FTCDNL1: variants seen among roughly 807,000 people sequenced by gnomAD.
FTCDNL1 encodes the protein formiminotransferase N-terminal subdomain-containing protein.
Under a neutral mutation model 5.9 loss-of-function variants are expected in FTCDNL1, and 11 were observed. The ratio of observed to expected loss-of-function variants is 1.87; its 90% confidence interval spans 1.18 to 3.10. The LOEUF is 3.10. Among genes scored for constraint, FTCDNL1 ranks in the 30% most tolerant of loss-of-function variants. The pLI is 0.00. For missense variants in FTCDNL1, 115 were observed against 65.5 expected, an observed-to-expected ratio of 1.76 and a Z score of -2.61; for synonymous variants, 58 against 24.8, an observed-to-expected ratio of 2.34 and a Z score of -3.99.
the FTCDNL1 span, among the ~76,000 whole-genome samples, chr2:199,742,585 G>A: frequency 6.6e-6 from 1 of 152,246 alleles, no homozygotes; most frequent in East Asian, 1.9e-4. Context: ...CTATGTGCCA[G>A]GCTCCATACT....
At chr2:199,727,134 C>T in the FTCDNL1 span, among the ~76,000 whole-genome samples, 4 of 152,184 alleles carry the variant, frequency 2.6e-5, no homozygotes, top group Non-Finnish European at 4.4e-5. Context: ...GAAGGCCCCA[C>T]TGGTGAGGAG....
chr2:199,738,598 G>A, the FTCDNL1 span, among the ~76,000 whole-genome samples: 34 of 152,040 alleles, frequency 2.2e-4, no homozygotes, highest in Admixed American at 2.2e-3. Flanking sequence ...TCTTCATGCT[G>A]AAACAGAGGA....
chr2:199,787,192 T>C (rs6742993), intron 3 of FTCDNL1, among the ~76,000 whole-genome samples: 60,636 of 143,644 alleles, frequency 0.42, 13,867 homozygotes, highest in East Asian at 0.54. Context: ...CTTTTCTTTT[T>C]TTTTTTTGAG....
chr2:199,689,905 C>A, the FTCDNL1 span, among the ~76,000 whole-genome samples: 1 of 150,386 alleles, frequency 6.6e-6, no homozygotes, highest in African/African-American at 2.4e-5. Flanking sequence ...AATACCAAAA[C>A]ATATGGAAAT....
chr2:199,725,816 C>T, the FTCDNL1 span, among the ~76,000 whole-genome samples: 2 of 152,150 alleles, frequency 1.3e-5, no homozygotes, highest in African/African-American at 2.4e-5. Flanking sequence ...CTGCTCTTGA[C>T]ATTTTTTCCT....
At chr2:199,784,635 G>C (rs905474298) in intron 3 of FTCDNL1, among the ~76,000 whole-genome samples, 2 of 152,186 alleles carry the variant, frequency 1.3e-5, no homozygotes, top group African/African-American at 4.8e-5. Context: ...TCATCTCACT[G>C]GGAGCTGTTG....
intron 3 of FTCDNL1, among the ~76,000 whole-genome samples, chr2:199,788,383 A>T (rs1431022206): frequency 6.6e-6 from 1 of 152,226 alleles, no homozygotes; most frequent in South Asian, 2.1e-4. Context: ...CTATGATCAC[A>T]GTAGAATAAA....
At chr2:199,687,656 T>C in the FTCDNL1 span, among the ~76,000 whole-genome samples, 1 of 152,008 alleles carries the variant, frequency 6.6e-6, no homozygotes, top group Admixed American at 6.6e-5. Flanking sequence ...GGCCCAGGGA[T>C]AGTTTTTCAG....
chr2:199,846,028 G>T, intron 3 of FTCDNL1, 47 bp downstream of exon 3: 2 of 659,576 alleles, frequency 3.0e-6, no homozygotes, highest in South Asian at 3.4e-5. Context: ...AGGTCTACCT[G>T]AACCAAAAAA....
chr2:199,826,504 A>G (rs1702044712), intron 3 of FTCDNL1, among the ~76,000 whole-genome samples: 1 of 151,870 alleles, frequency 6.6e-6, no homozygotes, highest in African/African-American at 2.4e-5. Flanking sequence ...AAAAAAAAAA[A>G]AAAGAATAGG....
the FTCDNL1 span, among the ~76,000 whole-genome samples, chr2:199,700,219 A>C: frequency 6.6e-6 from 1 of 152,208 alleles, no homozygotes; most frequent in Non-Finnish European, 1.5e-5. Flanking sequence ...ATACAAAATC[A>C]ATGTACTAAA....
the FTCDNL1 span, among the ~76,000 whole-genome samples, chr2:199,716,927 G>T: frequency 6.8e-4 from 104 of 152,200 alleles, no homozygotes; most frequent in African/African-American, 2.2e-3. Context: ...CTAATTAAGG[G>T]CTTGGCAAAG....
At chr2:199,700,909 C>G in the FTCDNL1 span, among the ~76,000 whole-genome samples, 1 of 150,524 alleles carries the variant, frequency 6.6e-6, no homozygotes, top group South Asian at 2.1e-4. Flanking sequence ...AAAGACTTAA[C>G]CCTTTCTCAA....
At chr2:199,672,371 A>C in the FTCDNL1 span, among the ~76,000 whole-genome samples, 2 of 152,232 alleles carry the variant, frequency 1.3e-5, no homozygotes, top group African/African-American at 2.4e-5. Flanking sequence ...GTAAGTTTTA[A>C]CATGTTTTGA....
Position 199,812,526 on chromosome 2 carries a change from T to A in FTCDNL1, c.*179A>T. On this transcript the variant is annotated 3_prime_UTR_variant, in exon 5 of 5. Coordinates refer to ENST00000420128, the MANE Select transcript of FTCDNL1 (RefSeq NM_001363886.2). Reference sequence around the variant, plus strand: ...AAATCGTATTTCTAGTTAAATGTCATATAATTAAAGTAATTCCACTTTTTG... The same window carrying A: ...AAATCGTATTTCTAGTTAAATGTCAAATAATTAAAGTAATTCCACTTTTTG... 1 of 448,942 alleles carries A rather than the reference T, an allele frequency of 2.2e-6. No individual in the cohort carries two copies. The allele number at this position is 448,942 out of a possible 1,614,324, so 27.8% of individuals were successfully genotyped here. A position where few individuals can be genotyped will look rare whatever the true frequency, so the allele number is the denominator to read the frequency against.
At chr2:199,672,772 C>T in the FTCDNL1 span, among the ~76,000 whole-genome samples, 1 of 151,834 alleles carries the variant, frequency 6.6e-6, no homozygotes, top group South Asian at 2.1e-4. Flanking sequence ...AACATAGCAG[C>T]CTGAGCCCCA....
In FTCDNL1 at chr2:199,810,893, C is replaced by G. The variant is rs1249131323; in HGVS notation, c.*1812G>C. 6.6e-6 allele frequency among the ~76,000 whole-genome samples: 1 copy of G among 152,174 alleles called. No homozygotes were observed. The highest frequency in any genetic ancestry group is 2.4e-5 in the African/African-American group (1 of 41,434). On this transcript the variant is annotated 3_prime_UTR_variant, in exon 5 of 5. Transcript: ENST00000420128. The stretch of plus-strand genomic sequence containing the variant: ...AACTTATTGCTCCTGATGTCAGCAT[C>G]CATCAGAGAAATGCCTTCTGGGTTC...
chr2:199,844,625 T>C (rs2106634304), intron 3 of FTCDNL1: 1 of 421,902 alleles, frequency 2.4e-6, no homozygotes, highest in East Asian at 3.5e-5. Flanking sequence ...GTTGTTTTTC[T>C]TCTGTAATCT....
chr2:199,713,614 ATAT>A, the FTCDNL1 span, among the ~76,000 whole-genome samples: 7 of 152,326 alleles, frequency 4.6e-5, no homozygotes, highest in South Asian at 1.4e-3. Flanking sequence ...CATAAAACTG[ATAT>A]TCTGACAATC....
Sources: gnomAD v4.1 joint callset for allele counts (sites outside exome capture counted in the v4.1 genomes callset) on GRCh38, gnomAD v4.1.1 for gene constraint, MANE v1.5 for transcripts, NCBI Gene and HGNC (gene_info 2026-07-23, HGNC 2026-07-21) for gene names.